PDS5B: variants seen among roughly 807,000 people sequenced by gnomAD.
PDS5B encodes PDS5 cohesin associated factor B, also known as sister chromatid cohesion protein PDS5 homolog B.
Under a neutral mutation model 184.1 loss-of-function variants are expected in PDS5B, and 51 were observed. The ratio of observed to expected loss-of-function variants is 0.28; its 90% CI spans 0.22 to 0.35. The LOEUF (loss-of-function observed/expected upper bound fraction) is 0.35, where lower values mean the gene tolerates loss of function less well. PDS5B is among the 10% of genes least tolerant of loss of function. The pLI, the probability that PDS5B is intolerant of heterozygous loss-of-function variation, is 1.00. For missense variants in PDS5B, 1,180 were observed against 1,723.3 expected (o/e 0.68, Z 5.58); for synonymous variants, 566 against 569.2 (o/e 0.99, Z 0.08).
At chr13:32,753,103 G>A (rs1466470418) in intron 24 of PDS5B, among the ~76,000 whole-genome samples, 1 of 152,102 alleles carries the variant, frequency 6.6e-6, no homozygotes, top group Non-Finnish European at 1.5e-5. Context: ...TGTTTTAAAA[G>A]TATGTTTGTT....
At chr13:32,605,616 C>T (rs1456017015) in intron 1 of PDS5B, among the ~76,000 whole-genome samples, 3 of 152,148 alleles carry the variant, frequency 2.0e-5, no homozygotes, top group African/African-American at 7.2e-5. Context: ...AGTTCAAGTC[C>T]TGGATATCCT....
At chr13:32,716,436 T>C (rs1173733007) in intron 19 of PDS5B, among the ~76,000 whole-genome samples, 2 of 149,520 alleles carry the variant, frequency 1.3e-5, no homozygotes, top group Non-Finnish European at 3.0e-5. Flanking sequence ...AACCGCCCCA[T>C]CTGAGAAGTG....
chr13:32,683,020 T>C (rs1451210520), intron 10 of PDS5B, among the ~76,000 whole-genome samples: 1 of 151,682 alleles, frequency 6.6e-6, no homozygotes, highest in African/African-American at 2.4e-5. Context: ...TAAAAAACTT[T>C]CTTTTTTTTT....
At chr13:32,733,547 G>A (rs1929939) in intron 20 of PDS5B, among the ~76,000 whole-genome samples, 58,887 of 151,948 alleles carry the variant, frequency 0.39, 11,902 homozygotes, top group Non-Finnish European at 0.45. Flanking sequence ...TCATTTAAAT[G>A]TATTTTTGAC....
At chr13:32,682,946 T>C (rs1951286243) in intron 10 of PDS5B, among the ~76,000 whole-genome samples, 1 of 152,212 alleles carries the variant, frequency 6.6e-6, no homozygotes, top group Admixed American at 6.5e-5. Flanking sequence ...TGCCAAAATT[T>C]TGTTGACACA....
chr13:32,746,479 T>G (rs1953747136), intron 24 of PDS5B, among the ~76,000 whole-genome samples: 1 of 152,200 alleles, frequency 6.6e-6, no homozygotes, highest in Non-Finnish European at 1.5e-5. Flanking sequence ...GACTATTTAT[T>G]ATATATAGTT....
At chr13:32,664,451 T>G (rs1370519159) in intron 6 of PDS5B, among the ~76,000 whole-genome samples, 2 of 152,212 alleles carry the variant, frequency 1.3e-5, no homozygotes. Flanking sequence ...ATTGTTATAA[T>G]TGACTGAAAA....
intron 19 of PDS5B, among the ~76,000 whole-genome samples, chr13:32,717,197 C>A (rs1952482367): frequency 1.3e-5 from 2 of 152,280 alleles, no homozygotes; most frequent in South Asian, 2.1e-4. Flanking sequence ...GTGTACCCAA[C>A]AGCTCATTGA....
At chr13:32,767,677 A>G (rs1286581051) in intron 31 of PDS5B, among the ~76,000 whole-genome samples, 1 of 152,190 alleles carries the variant, frequency 6.6e-6, no homozygotes, top group Non-Finnish European at 1.5e-5. Flanking sequence ...CAAAACTGAG[A>G]TAGGGAGGAC....
intron 1 of PDS5B, among the ~76,000 whole-genome samples, chr13:32,604,542 G>A (rs1412384327): frequency 6.6e-6 from 1 of 152,080 alleles, no homozygotes; most frequent in Non-Finnish European, 1.5e-5. Flanking sequence ...CTCTTTTTTT[G>A]TTGTGTCTCT....
At chr13:32,599,616 C>T (rs562267229) in intron 1 of PDS5B, among the ~76,000 whole-genome samples, 2 of 151,138 alleles carry the variant, frequency 1.3e-5, no homozygotes, top group South Asian at 2.1e-4. Context: ...CATTTTAGAC[C>T]TTACTTAAAA....
chr13:32,761,742 T>C (rs931989814), intron 30 of PDS5B, among the ~76,000 whole-genome samples: 4 of 152,222 alleles, frequency 2.6e-5, no homozygotes, highest in African/African-American at 7.2e-5. Flanking sequence ...ATCTTTGATA[T>C]TGTGAATAGT....
chr13:32,639,151 G>A (rs1417561034), intron 1 of PDS5B, among the ~76,000 whole-genome samples: 1 of 145,112 alleles, frequency 6.9e-6, no homozygotes. Context: ...ACTTTAAAGA[G>A]ATTTAACAGA....
chr13:32,766,342 T>C (rs1954587370), intron 31 of PDS5B, among the ~76,000 whole-genome samples: 1 of 152,246 alleles, frequency 6.6e-6, no homozygotes, highest in Non-Finnish European at 1.5e-5. Context: ...TTTGGGATAG[T>C]ACAGAACAAA....
Position 32,741,649 on chromosome 13 carries a change from C to A in PDS5B, c.2475+501C>A, listed in dbSNP as rs559506157. Among the ~76,000 whole-genome samples, 14 of 150,800 alleles carry A rather than the reference C, an allele frequency of 9.3e-5. No homozygotes were observed. The East Asian group carries it at 2.4e-3, about 25-fold the overall frequency. On this transcript the variant is annotated intron_variant, in intron 22 of 34. Transcript: ENST00000315596. Reference sequence around the variant, plus strand: ...AAGATATGAAGGCCAAAAATACATACATTAAATATTGTTATTTTCTAGCTG... The same window carrying A: ...AAGATATGAAGGCCAAAAATACATAAATTAAATATTGTTATTTTCTAGCTG...
At chr13:32,655,374 A>ATTTTTTTTTT (rs1228814649) in intron 3 of PDS5B, among the ~76,000 whole-genome samples, 5 of 72,468 alleles carry the variant, frequency 6.9e-5, no homozygotes, top group African/African-American at 2.5e-4. Context: ...ATATATATAT[A>ATTTTTTTTTT]TTTTTTTTTT....
At chr13:32,612,887 A>G (rs1330218648) in intron 1 of PDS5B, among the ~76,000 whole-genome samples, 2 of 152,152 alleles carry the variant, frequency 1.3e-5, no homozygotes, top group Non-Finnish European at 2.9e-5. Context: ...AATTACCCAG[A>G]CTGTGGTATT....
At position 32,735,297 on chromosome 13, in the gene PDS5B, T is replaced by C; in HGVS notation, c.2373T>C (p.Thr791=). Residue 791 remains threonine (T), a synonymous_variant, in exon 21 of 35, where the codon ACT becomes ACC. Coordinates refer to ENST00000315596, the MANE Select transcript of PDS5B (RefSeq NM_015032.4). ...FAAPLKSLVA[T]FIVKDLLMND... is the part of the protein sequence containing the mutation. ...CTCCTTTGAAATCTTTGGTAGCTACTTTCATTGTGAAAGATCTTCTCATGA... is the reference window on the plus strand; with the variant it reads ...CTCCTTTGAAATCTTTGGTAGCTACCTTCATTGTGAAAGATCTTCTCATGA... 6.2e-7 allele frequency: 1 copy of C among 1,611,774 alleles called. No individual in the cohort carries two copies. Among genetic ancestry groups the C allele is most frequent in the African/African-American group, 1.3e-5 (1 of 74,984 alleles).
intron 31 of PDS5B, 30 bp from the exon 32 acceptor site, chr13:32,770,085 TCATAAC>T (rs1954725828): frequency 6.5e-7 from 1 of 1,546,944 alleles, no homozygotes; most frequent in East Asian, 2.3e-5. Flanking sequence ...ACTCACAATT[TCATAAC>T]CATAAATTGT....
Sources: allele counts gnomAD v4.1 joint callset (sites outside exome capture counted in the v4.1 genomes callset), GRCh38; gene constraint gnomAD v4.1.1; transcripts MANE v1.5; gene names NCBI Gene and HGNC (gene_info 2026-07-23, HGNC 2026-07-21).